Variants in CLSTN2 observed in about 807,000 individuals in gnomAD.
The protein encoded by CLSTN2 is calsyntenin 2.
In CLSTN2, 48 loss-of-function variants were observed where a neutral mutation model predicts 101.2. The observed-to-expected ratio is 0.47, with a 90% CI of 0.38 to 0.60. CLSTN2 has a LOEUF of 0.60. Ranked by LOEUF, CLSTN2 falls within the 20% of genes least tolerant of loss-of-function variation. The pLI is 0.00. For synonymous variants in CLSTN2, 481 were observed against 463.6 expected (o/e 1.04, Z -0.48); for missense variants, 1,160 against 1,238.2 (o/e 0.94, Z 0.95).
chr3:140,242,441 A>AT (rs1444213691), intron 2 of CLSTN2, among the ~76,000 whole-genome samples: 7 of 152,072 alleles, frequency 4.6e-5, no homozygotes, highest in South Asian at 4.2e-4. Flanking sequence ...TTCTGAGGGT[A>AT]TTTTTTTACT....
intron 8 of CLSTN2, among the ~76,000 whole-genome samples, chr3:140,482,929 TG>T (rs1934151853): frequency 6.6e-6 from 1 of 152,204 alleles, no homozygotes; most frequent in South Asian, 2.1e-4. Flanking sequence ...GAGTCTTTTT[TG>T]TCTCTATTTC....
intron 5 of CLSTN2, among the ~76,000 whole-genome samples, chr3:140,448,269 A>G (rs560658622): frequency 6.6e-6 from 1 of 151,858 alleles, no homozygotes; most frequent in South Asian, 2.1e-4. Flanking sequence ...ACGTGCCTGC[A>G]CATGTTTTGT....
intron 1 of CLSTN2, among the ~76,000 whole-genome samples, chr3:140,111,668 A>T (rs1049413926): frequency 6.6e-6 from 1 of 151,960 alleles, no homozygotes; most frequent in Non-Finnish European, 1.5e-5. Flanking sequence ...CCTATACCCC[A>T]TGTGTTCCTG....
At chr3:140,244,466 G>A (rs2086497627) in intron 2 of CLSTN2, among the ~76,000 whole-genome samples, 2 of 152,128 alleles carry the variant, frequency 1.3e-5, no homozygotes, top group Non-Finnish European at 1.5e-5. Context: ...TGTGGGAAGG[G>A]TCCCTGTCTT....
intron 1 of CLSTN2, among the ~76,000 whole-genome samples, chr3:139,944,946 A>G (rs1935193370): frequency 6.6e-6 from 1 of 152,244 alleles, no homozygotes; most frequent in Middle Eastern, 3.2e-3. Flanking sequence ...GCCGGCAGAT[A>G]CCAGTGGAAT....
chr3:139,963,109 G>A (rs926967593), intron 1 of CLSTN2, among the ~76,000 whole-genome samples: 4 of 152,010 alleles, frequency 2.6e-5, no homozygotes, highest in African/African-American at 7.2e-5. Context: ...GGAGGAGGGG[G>A]GCAGAGACCC....
At chr3:140,186,437 C>T (rs1436912392) in intron 2 of CLSTN2, among the ~76,000 whole-genome samples, 1 of 152,184 alleles carries the variant, frequency 6.6e-6, no homozygotes, top group Non-Finnish European at 1.5e-5. Flanking sequence ...TCTCAGTGAA[C>T]TTGTTTGAGA....
chr3:139,989,525 G>A (rs914266062), intron 1 of CLSTN2, among the ~76,000 whole-genome samples: 15 of 152,142 alleles, frequency 9.9e-5, no homozygotes, highest in Admixed American at 1.3e-4. Context: ...GTGTTGCAGG[G>A]CCCTTTGCTC....
At chr3:139,944,434 C>T (rs1202111740) in intron 1 of CLSTN2, among the ~76,000 whole-genome samples, 1 of 152,212 alleles carries the variant, frequency 6.6e-6, no homozygotes, top group African/African-American at 2.4e-5. Flanking sequence ...TTCTGGTGCC[C>T]AGCCAAGACT....
intron 7 of CLSTN2, among the ~76,000 whole-genome samples, chr3:140,462,546 T>A (rs1474457237): frequency 6.6e-6 from 1 of 152,268 alleles, no homozygotes; most frequent in Non-Finnish European, 1.5e-5. Flanking sequence ...TTGTCTGGTG[T>A]ACTAAGTAAA....
At chr3:140,116,653 A>T (rs558067133) in intron 1 of CLSTN2, among the ~76,000 whole-genome samples, 1 of 152,238 alleles carries the variant, frequency 6.6e-6, no homozygotes, top group African/African-American at 2.4e-5. Context: ...GTCTTCTGGC[A>T]TTGCCTCAGT....
At chr3:140,327,645 C>A (rs77539419) in intron 2 of CLSTN2, among the ~76,000 whole-genome samples, 1 of 152,168 alleles carries the variant, frequency 6.6e-6, no homozygotes, top group Non-Finnish European at 1.5e-5. Flanking sequence ...TGACAAACAG[C>A]TGTGTGATCT....
rs1934998746 is a variant in CLSTN2, at chr3:139,935,269, A to C, written c.-106A>C. The C allele has an allele frequency of 1.6e-5, 8 of 506,838 alleles. No homozygotes were observed. The highest frequency in any genetic ancestry group is 5.8e-4 in the Middle Eastern group (1 of 1,714). 31.4% of individuals were successfully genotyped at this position (506,838 alleles called of 1,614,324 possible). A position where few individuals can be genotyped will look rare whatever the true frequency, so the allele number is the denominator to read the frequency against. On this transcript the variant is annotated 5_prime_UTR_variant, in exon 1 of 17. Coordinates refer to ENST00000458420, the MANE Select transcript of CLSTN2 (RefSeq NM_022131.3). This position sits in a 1 kb window ranked among gnomAD's most constrained non-coding sequence, Gnocchi z 5.5. ...GCCGCGGCGGCAGCGCTAGAAGCGC[A>C]CCCATCGGGCACGGCGAGGCGGCCC...
intron 1 of CLSTN2, among the ~76,000 whole-genome samples, chr3:140,041,074 A>G (rs1379556540): frequency 6.6e-6 from 1 of 152,166 alleles, no homozygotes; most frequent in African/African-American, 2.4e-5. Context: ...AGCTTCTGTG[A>G]GCTCTCCCTG....
intron 1 of CLSTN2, among the ~76,000 whole-genome samples, chr3:140,071,165 T>C (rs2008385221): frequency 6.6e-6 from 1 of 152,118 alleles, no homozygotes; most frequent in African/African-American, 2.4e-5. Context: ...TATGTTAACT[T>C]GACATTTCAA....
At position 140,397,106 on chromosome 3, in the gene CLSTN2, C is replaced by CA. The variant is rs1026613389; in HGVS notation, c.233-6516dup. Among the ~76,000 whole-genome samples, 63 of 151,090 alleles carry CA rather than the reference C, an allele frequency of 4.2e-4. 1 individual carries two copies. The highest frequency in any genetic ancestry group is 1.3e-3 in the African/African-American group (54 of 41,174). ...TATTAACACAAGTAACATAATTTGA[C>CA]AAAAAAAGATATATTTTTGGAAAAA... On this transcript the variant is annotated intron_variant, in intron 2 of 16. Transcript: ENST00000458420.
chr3:140,152,178 A>C (rs1212289767), intron 1 of CLSTN2, among the ~76,000 whole-genome samples: 1 of 152,234 alleles, frequency 6.6e-6, no homozygotes, highest in Non-Finnish European at 1.5e-5. Flanking sequence ...TAAATTACAA[A>C]GAGCCCTGAA....
intron 1 of CLSTN2, among the ~76,000 whole-genome samples, chr3:139,943,746 GGT>G (rs989657905): frequency 2.0e-5 from 3 of 152,098 alleles, no homozygotes; most frequent in Non-Finnish European, 2.9e-5. Flanking sequence ...TCAGTTTTAG[GGT>G]GGGTACACAA....
chr3:139,988,391 A>C (rs1266745345), intron 1 of CLSTN2, among the ~76,000 whole-genome samples: 1 of 152,182 alleles, frequency 6.6e-6, no homozygotes, highest in Non-Finnish European at 1.5e-5. Flanking sequence ...ACACCAACAT[A>C]ATGAGGAGAA....
Sources: gnomAD v4.1 joint callset for allele counts (sites outside exome capture counted in the v4.1 genomes callset) on GRCh38, gnomAD v4.1.1 for gene constraint, Gnocchi (gnomAD v3.1) non-coding constraint, MANE v1.5 for transcripts, NCBI Gene and HGNC (gene_info 2026-07-23, HGNC 2026-07-21) for gene names.